The following PDE11A variants were observed in gnomAD, a reference collection of about 807,000 sequenced individuals.
The protein encoded by PDE11A is phosphodiesterase 11A.
PDE11A carries 100 observed loss-of-function variants against 100.5 expected under a neutral mutation model. That is an observed-to-expected ratio of 1.00 (90% confidence interval 0.85 to 1.18). The LOEUF is 1.18. Among genes scored for constraint, PDE11A ranks in the 50% most tolerant of loss-of-function variants. The pLI is 0.00. For missense variants in PDE11A, 1,141 were observed against 1,152.6 expected (o/e 0.99, Z 0.15); for synonymous variants, 381 against 420.8 (o/e 0.91, Z 1.16).
intron 1 of PDE11A, among the ~76,000 whole-genome samples, chr2:178,049,311 A>C (rs753600924): frequency 6.6e-6 from 1 of 152,236 alleles, no homozygotes; most frequent in Non-Finnish European, 1.5e-5. Context: ...GGTGAATAAA[A>C]GAAAGTAATC....
upstream of PDE11A, among the ~76,000 whole-genome samples, chr2:178,076,527 A>G (rs1222040661): frequency 6.6e-6 from 1 of 152,078 alleles, no homozygotes; most frequent in Non-Finnish European, 1.5e-5. Flanking sequence ...TGCCAGGCCA[A>G]CCTCTGATCT....
At chr2:178,058,553 T>C (rs2086927551) in intron 1 of PDE11A, among the ~76,000 whole-genome samples, 1 of 152,152 alleles carries the variant, frequency 6.6e-6, no homozygotes, top group Non-Finnish European at 1.5e-5. Context: ...GAACTGTGAG[T>C]CCATTAAGCC....
At position 177,995,964 on chromosome 2, in the gene PDE11A, A is replaced by G. The variant is rs551362482; in HGVS notation, c.1071+18338T>C. Among the ~76,000 whole-genome samples, 4 of 152,276 alleles carry G rather than the reference A, an allele frequency of 2.6e-5. No homozygotes were observed. The East Asian group carries it at 7.7e-4, about 29-fold the overall frequency. Reference sequence around the variant, plus strand: ...CAGCCTAGCTGGGCGCGGTGGCTCAAGCCTGTAATCCCAGCACTTTGGGAG... The same window carrying G: ...CAGCCTAGCTGGGCGCGGTGGCTCAGGCCTGTAATCCCAGCACTTTGGGAG... On this transcript the variant is annotated intron_variant, in intron 2 of 19. Transcript: ENST00000286063.
At chr2:178,103,377 A>G (rs1270412837) in intron 2 of PDE11A, among the ~76,000 whole-genome samples, 3 of 152,160 alleles carry the variant, frequency 2.0e-5, no homozygotes, top group African/African-American at 7.2e-5. Flanking sequence ...GGGAATGCAG[A>G]GTGATTACCT....
intron 5 of PDE11A, among the ~76,000 whole-genome samples, chr2:177,874,263 G>T (rs899268972): frequency 2.0e-5 from 3 of 152,088 alleles, no homozygotes; most frequent in African/African-American, 4.8e-5. Flanking sequence ...TATAACATGG[G>T]GGGAATGCCT....
intron 13 of PDE11A, among the ~76,000 whole-genome samples, chr2:177,706,194 T>C (rs188314597): frequency 6.6e-6 from 1 of 152,354 alleles, no homozygotes; most frequent in East Asian, 1.9e-4. Context: ...CTTTTTATTG[T>C]AGAGGCATTT....
intron 1 of PDE11A, among the ~76,000 whole-genome samples, chr2:178,045,528 G>A (rs2086737959): frequency 6.6e-6 from 1 of 152,170 alleles, no homozygotes; most frequent in Non-Finnish European, 1.5e-5. Flanking sequence ...ACAGCAGTTT[G>A]TGGTGGTTAA....
At chr2:177,902,215 C>T (rs1205103815) in intron 3 of PDE11A, among the ~76,000 whole-genome samples, 1 of 152,172 alleles carries the variant, frequency 6.6e-6, no homozygotes, top group Non-Finnish European at 1.5e-5. Flanking sequence ...CTGCCCCACC[C>T]TAACTGATAC....
chr2:178,053,390 G>A (rs1014050286), intron 1 of PDE11A, among the ~76,000 whole-genome samples: 1 of 152,058 alleles, frequency 6.6e-6, no homozygotes, highest in Non-Finnish European at 1.5e-5. Flanking sequence ...ATTTATGACA[G>A]ACCCACAGCC....
At chr2:177,902,371 C>G (rs376505035) in intron 3 of PDE11A, among the ~76,000 whole-genome samples, 85 of 152,304 alleles carry the variant, frequency 5.6e-4, no homozygotes, top group African/African-American at 2.0e-3. Flanking sequence ...ACTCAGCCTG[C>G]CTGCACCCAG....
At chr2:177,962,396 C>T (rs1446838801) in intron 2 of PDE11A, among the ~76,000 whole-genome samples, 1 of 151,922 alleles carries the variant, frequency 6.6e-6, no homozygotes, top group Non-Finnish European at 1.5e-5. Flanking sequence ...AATGAAAATA[C>T]TCAAACTTAA....
At chr2:177,747,975 C>T (rs776120074) in intron 10 of PDE11A, among the ~76,000 whole-genome samples, 2 of 152,064 alleles carry the variant, frequency 1.3e-5, no homozygotes, top group Admixed American at 6.5e-5. Flanking sequence ...CAGACCCTCC[C>T]GATCCTCTAG....
chr2:177,972,716 A>C (rs1236249944), intron 2 of PDE11A, among the ~76,000 whole-genome samples: 3 of 152,182 alleles, frequency 2.0e-5, no homozygotes, highest in African/African-American at 7.2e-5. Flanking sequence ...AGACAGAAGA[A>C]GGGACATCGG....
At chr2:177,697,642 C>T (rs2081133834) in intron 14 of PDE11A, among the ~76,000 whole-genome samples, 1 of 152,192 alleles carries the variant, frequency 6.6e-6, no homozygotes, top group Admixed American at 6.5e-5. Flanking sequence ...ACAAGGGACA[C>T]TTTGTTACAT....
chr2:178,072,731 C>T lies in PDE11A; in HGVS notation c.-294G>A. On this transcript the variant is annotated 5_prime_UTR_variant, in exon 1 of 20. Coordinates refer to ENST00000286063, the MANE Select transcript of PDE11A (RefSeq NM_016953.4). The stretch of plus-strand genomic sequence containing the variant: ...GTTCCGGAAACCCGAGCTATCGCTG[C>T]TCCTGTTCTGGCTGCCGCCGCTGCT... 1 of 1,355,310 alleles carries T rather than the reference C, an allele frequency of 7.4e-7. No individual in the cohort carries two copies. Among genetic ancestry groups the T allele is most frequent in the Non-Finnish European group, 9.5e-7 (1 of 1,050,460 alleles). The allele number at this position is 1,355,310 out of a possible 1,614,324, so 84.0% of individuals were successfully genotyped here. A position where few individuals can be genotyped will look rare whatever the true frequency, so the allele number is the denominator to read the frequency against.
At chr2:177,839,569 A>G (rs2083455655) in intron 6 of PDE11A, among the ~76,000 whole-genome samples, 1 of 152,138 alleles carries the variant, frequency 6.6e-6, no homozygotes, top group Non-Finnish European at 1.5e-5. Flanking sequence ...ACATTAGATC[A>G]TCTCACTTCC....
chr2:177,677,123 T>C (rs1019462853), intron 16 of PDE11A, among the ~76,000 whole-genome samples: 7 of 152,344 alleles, frequency 4.6e-5, no homozygotes, highest in African/African-American at 1.7e-4. Flanking sequence ...GTCCAGTTGA[T>C]AATTTGAAAC....
chr2:177,996,762 C>T (rs2086080883), intron 2 of PDE11A, among the ~76,000 whole-genome samples: 2 of 152,138 alleles, frequency 1.3e-5, no homozygotes, highest in Admixed American at 6.5e-5. Flanking sequence ...TTAAGATTTA[C>T]AGTTACCCTT....
Position 177,728,031 on chromosome 2 carries a change from A to G in PDE11A, c.1930T>C (p.Tyr644His), listed in dbSNP as rs766290837. ...ACCCAAGACAGACATCTTACCTCAT[A>G]GTCAATTTTAAATTTCTGTACCATC... is the stretch of plus-strand genomic sequence containing the variant. ...LGMVQKFKID[Y>H]ETLCRWLLTV... is the part of the protein sequence containing the mutation. Residue 644 changes from tyrosine (Y) to histidine (H), a missense_variant, in exon 11 of 20, where the codon TAT (tyrosine) becomes CAT (histidine). Coordinates refer to ENST00000286063, the MANE Select transcript of PDE11A (RefSeq NM_016953.4). 1 of 1,612,882 alleles carries G rather than the reference A, an allele frequency of 6.2e-7. No homozygotes were observed. The highest frequency in any genetic ancestry group is 8.5e-7 in the Non-Finnish European group (1 of 1,179,092).
Sources: gnomAD v4.1 joint callset for allele counts (sites outside exome capture counted in the v4.1 genomes callset) on GRCh38, gnomAD v4.1.1 for gene constraint, MANE v1.5 for transcripts, NCBI Gene and HGNC (gene_info 2026-07-23, HGNC 2026-07-21) for gene names.